Variants in TAF3 observed in about 807,000 individuals in gnomAD.
The protein encoded by TAF3 is TATA-box binding protein associated factor 3.
In TAF3, 7 loss-of-function variants were observed where a neutral mutation model predicts 80.6. The observed-to-expected ratio is 0.09, with a 90% CI of 0.05 to 0.16. The LOEUF (loss-of-function observed/expected upper bound fraction) is 0.16. Ranked by LOEUF, TAF3 falls within the 10% of genes least tolerant of loss-of-function variation. The pLI is 1.00. For missense variants in TAF3, 921 were observed against 1,140.2 expected (o/e 0.81, Z 2.77); for synonymous variants, 444 against 446.1 (o/e 1.00, Z 0.06).
chr10:7,898,193 A>G (rs1309803706), intron 2 of TAF3, among the ~76,000 whole-genome samples: 1 of 152,162 alleles, frequency 6.6e-6, no homozygotes, highest in African/African-American at 2.4e-5. Flanking sequence ...TTAAACGTAA[A>G]TAGGACTGAG....
At chr10:7,953,384 A>G (rs911214152) in intron 2 of TAF3, among the ~76,000 whole-genome samples, 1 of 152,312 alleles carries the variant, frequency 6.6e-6, no homozygotes, top group South Asian at 2.1e-4. Context: ...CCTGCCCTTT[A>G]GATCATCCCA....
At chr10:7,948,767 G>T (rs1009596717) in intron 2 of TAF3, among the ~76,000 whole-genome samples, 14 of 152,132 alleles carry the variant, frequency 9.2e-5, no homozygotes, top group African/African-American at 2.7e-4. Context: ...TTATCACTGG[G>T]TACTGAACTA....
chr10:7,827,833 C>G (rs919917297), intron 2 of TAF3, among the ~76,000 whole-genome samples: 1 of 151,248 alleles, frequency 6.6e-6, no homozygotes, highest in Non-Finnish European at 1.5e-5. Context: ...GTGGTGCACG[C>G]TTGTAGTCCC....
At chr10:7,819,245 C>G (rs1369780186) in intron 1 of TAF3, among the ~76,000 whole-genome samples, 1 of 152,088 alleles carries the variant, frequency 6.6e-6, no homozygotes, top group Non-Finnish European at 1.5e-5. Flanking sequence ...TCCTTTTTCT[C>G]CCTTGCCCGC....
chr10:7,947,283 C>G (rs575818588), intron 2 of TAF3, among the ~76,000 whole-genome samples: 1 of 152,170 alleles, frequency 6.6e-6, no homozygotes, highest in Admixed American at 6.5e-5. Flanking sequence ...CCAGCCCCCA[C>G]CGCAGGCCGG....
chr10:8,001,597 GCATTTCC>G (rs1831943853), intron 4 of TAF3, among the ~76,000 whole-genome samples: 1 of 152,110 alleles, frequency 6.6e-6, no homozygotes, highest in Non-Finnish European at 1.5e-5. Flanking sequence ...AGTCAAATCA[GCATTTCC>G]CTTTATGGTT....
chr10:7,952,499 T>C (rs568272724), intron 2 of TAF3, among the ~76,000 whole-genome samples: 1 of 152,366 alleles, frequency 6.6e-6, no homozygotes, highest in East Asian at 1.9e-4. Flanking sequence ...GATGTAGCCA[T>C]AGAAACCCCA....
chr10:7,875,860 A>G lies in TAF3; in HGVS notation c.409+51300A>G, dbSNP rs148273401. 4.6e-5 allele frequency among the ~76,000 whole-genome samples: 7 copies of G among 152,302 alleles called. No individual in the cohort carries two copies. In the East Asian group the frequency reaches 1.4e-3, roughly 29 times the overall value. ...TAATTCTGTTTTAATCCAGAAGGCA[A>G]TAAAAGCAGCAAATTTTAAGAGTAT... On this transcript the variant is annotated intron_variant, in intron 2 of 6. Transcript: ENST00000344293.
intron 2 of TAF3, among the ~76,000 whole-genome samples, chr10:7,868,710 A>G (rs1295555054): frequency 2.0e-5 from 3 of 152,222 alleles, no homozygotes; most frequent in Non-Finnish European, 2.9e-5. Flanking sequence ...AGATGAAGTG[A>G]TCATCTATAT....
intron 2 of TAF3, among the ~76,000 whole-genome samples, chr10:7,867,037 T>C (rs1837221005): frequency 6.6e-6 from 1 of 152,126 alleles, no homozygotes; most frequent in African/African-American, 2.4e-5. Context: ...GGCAGGCGGA[T>C]CACCTGAGGT....
intron 4 of TAF3, among the ~76,000 whole-genome samples, chr10:7,994,977 G>GAAAAAAAAAAAAAAAAAAAAAAA (rs71287400): frequency 1.0e-5 from 1 of 97,646 alleles, no homozygotes; most frequent in African/African-American, 3.9e-5. Flanking sequence ...CTCAAAAAAA[G>GAAAAAAAAAAAAAAAAAAAAAAA]AAAAAAAAAA....
At chr10:7,920,396 C>T (rs1172452314) in intron 2 of TAF3, among the ~76,000 whole-genome samples, 2 of 150,240 alleles carry the variant, frequency 1.3e-5, no homozygotes, top group African/African-American at 2.5e-5. Flanking sequence ...TAGATGAATG[C>T]TATGGGTGCG....
intron 2 of TAF3, among the ~76,000 whole-genome samples, chr10:7,883,364 A>G (rs1435355595): frequency 6.6e-6 from 1 of 152,204 alleles, no homozygotes; most frequent in Non-Finnish European, 1.5e-5. Context: ...GATTATTTTC[A>G]TCAGAAATAC....
chr10:7,961,570 T>C (rs1041964062), intron 2 of TAF3, among the ~76,000 whole-genome samples: 6 of 152,196 alleles, frequency 3.9e-5, no homozygotes, highest in African/African-American at 1.4e-4. Flanking sequence ...TAGGTATTCC[T>C]CAAAATACCT....
Position 7,881,574 on chromosome 10 carries a change from A to G in TAF3, c.409+57014A>G, listed in dbSNP as rs370707519. Among the ~76,000 whole-genome samples the G allele has an allele frequency of 1.6e-4, 25 of 152,278 alleles. No individual in the cohort carries two copies. The East Asian group carries it at 1.7e-3, about 11-fold the overall frequency. On this transcript the variant is annotated intron_variant, in intron 2 of 6. Coordinates refer to ENST00000344293, the MANE Select transcript of TAF3 (RefSeq NM_031923.4). ...AGCTGGAACGTAATAAGTTTTTTATATCAAATAGGTATATGTTTTACAAAT... is the reference window on the plus strand; with the variant it reads ...AGCTGGAACGTAATAAGTTTTTTATGTCAAATAGGTATATGTTTTACAAAT...
intron 2 of TAF3, among the ~76,000 whole-genome samples, chr10:7,886,826 C>T (rs113952777): frequency 6.6e-6 from 1 of 151,954 alleles, no homozygotes. Flanking sequence ...CTTATGCTTA[C>T]AAAATTAATA....
chr10:7,894,441 T>C (rs993726239), intron 2 of TAF3, among the ~76,000 whole-genome samples: 5 of 152,212 alleles, frequency 3.3e-5, no homozygotes, highest in African/African-American at 1.2e-4. Context: ...GGTGGAGAGG[T>C]GGTATCCATG....
chr10:7,996,616 CTT>C (rs374781807), intron 4 of TAF3, among the ~76,000 whole-genome samples: 2 of 147,242 alleles, frequency 1.4e-5, no homozygotes, highest in Non-Finnish European at 3.0e-5. Context: ...ATTTCAATGT[CTT>C]TTTTTTTTGT....
At chr10:8,004,300 G>A (rs982211164) in intron 4 of TAF3, among the ~76,000 whole-genome samples, 10 of 151,962 alleles carry the variant, frequency 6.6e-5, no homozygotes, top group African/African-American at 2.2e-4. Context: ...CACCCACCTC[G>A]GCCTCCCAAA....
Sources: allele counts gnomAD v4.1 joint callset (sites outside exome capture counted in the v4.1 genomes callset), GRCh38; gene constraint gnomAD v4.1.1; transcripts MANE v1.5; gene names NCBI Gene and HGNC (gene_info 2026-07-23, HGNC 2026-07-21).